The following KDELR3 variants were observed in gnomAD, a reference collection of about 807,000 sequenced individuals.
The protein encoded by KDELR3 is KDEL endoplasmic reticulum protein retention receptor 3, also known as ER lumen protein-retaining receptor 3.
A neutral mutation model predicts 22.7 loss-of-function variants in KDELR3; 26 were observed. That is an observed-to-expected ratio of 1.15 (90% confidence interval 0.84 to 1.59). The LOEUF is 1.59. Ranked by LOEUF, KDELR3 falls within the 40% of genes most tolerant of loss-of-function variation. KDELR3 has a pLI of 0.00. For missense variants in KDELR3, 289 were observed against 251.1 expected (o/e 1.15, Z -1.02); for synonymous variants, 120 against 98.2 (o/e 1.22, Z -1.31).
At chr22:38,474,403 G>A in intron 1 of KDELR3, 120 bp from the exon 2 acceptor site, 1 of 703,128 alleles carries the variant, frequency 1.4e-6, no homozygotes, top group South Asian at 1.7e-5. Flanking sequence ...CTGGACAGGA[G>A]GTCTTTGAGT....
At chr22:38,474,200 C>A in intron 1 of KDELR3, 1 of 251,368 alleles carries the variant, frequency 4.0e-6, no homozygotes, top group African/African-American at 2.3e-5. Flanking sequence ...CCCCACCAAG[C>A]CCGACTCACA....
intron 3 of KDELR3, 38 bp from the exon 4 acceptor site, chr22:38,481,174 G>A (rs187315002): frequency 9.3e-5 from 146 of 1,566,796 alleles, no homozygotes; most frequent in Non-Finnish European, 1.1e-4. Context: ...CCTCTTCTTG[G>A]TCTTGCTCAG....
At chr22:38,477,588 C>G (rs1014223059) in intron 2 of KDELR3, among the ~76,000 whole-genome samples, 3 of 152,180 alleles carry the variant, frequency 2.0e-5, no homozygotes, top group African/African-American at 7.2e-5. Flanking sequence ...AGATAACATA[C>G]AGCACCTAGA....
chr22:38,477,115 T>C (rs2089565430), intron 2 of KDELR3, among the ~76,000 whole-genome samples: 1 of 137,820 alleles, frequency 7.3e-6, no homozygotes, highest in South Asian at 2.3e-4. Context: ...AAGACGGGGT[T>C]TCACCATGTT....
rs2089584314 is a variant in KDELR3 at position 38,479,613 on chromosome 22, C to G, written c.213C>G (p.Ala71=). The change falls in exon 3 of 5, where the codon GCC becomes GCG. Residue 71 remains alanine (A), a synonymous_variant. Coordinates refer to ENST00000216014, the MANE Select transcript of KDELR3 (RefSeq NM_006855.4). ...TVMKVVFLLC[A]YVTVYMIYGK... ...TTTAGGTGGTTTTTCTCCTCTGTGCCTATGTTACAGTGTACATGATATATG... is the reference window on the plus strand; with the variant it reads ...TTTAGGTGGTTTTTCTCCTCTGTGCGTATGTTACAGTGTACATGATATATG... 6.2e-6 allele frequency: 10 copies of G among 1,613,876 alleles called. No individual in the cohort carries two copies. The highest frequency in any genetic ancestry group is 8.5e-6 in the Non-Finnish European group (10 of 1,179,764).
At chr22:38,470,675 C>T (rs2089519286) in intron 1 of KDELR3, among the ~76,000 whole-genome samples, 1 of 152,118 alleles carries the variant, frequency 6.6e-6, no homozygotes, top group African/African-American at 2.4e-5. Flanking sequence ...TGTGTTTTCC[C>T]ATTTGTCAAA....
intron 2 of KDELR3, among the ~76,000 whole-genome samples, chr22:38,478,531 T>C (rs1479429841): frequency 3.2e-5 from 1 of 31,622 alleles, no homozygotes. Context: ...CGAGACTCCA[T>C]CTCAAAAAAA....
chr22:38,481,343 C>A lies in KDELR3; in HGVS notation c.483C>A (p.Leu161=). 1 of 1,614,212 alleles carries A rather than the reference C, an allele frequency of 6.2e-7. No individual in the cohort carries two copies. The highest frequency in any genetic ancestry group is 1.1e-5 in the South Asian group (1 of 91,088). Residue 161 remains leucine (L), a synonymous_variant, in exon 4 of 5, where the codon CTC becomes CTA. Transcript: ENST00000216014. ...YLFFLGLYRA[L]YLANWIRRYQ... The stretch of plus-strand genomic sequence containing the variant: ...TCTTTCTGGGTCTGTACCGGGCACT[C>A]TACCTGGCTAACTGGATCAGGCGGT...
Position 38,481,332 on chromosome 22 carries a change from T to C in KDELR3, c.472T>C (p.Tyr158His), listed in dbSNP as rs1569133837. ...TTHYLFFLGLYRALYLANWIR... is the reference protein window; with the variant it reads ...TTHYLFFLGLHRALYLANWIR... ...TCACTACCTGTTCTTTCTGGGTCTG[T>C]ACCGGGCACTCTACCTGGCTAACTG... Residue 158 changes from tyrosine (Y) to histidine (H), a missense_variant, in exon 4 of 5, where the codon TAC becomes CAC. Transcript: ENST00000216014. The C allele has an allele frequency of 6.2e-7, 1 of 1,614,228 alleles. No homozygotes were observed.
intron 1 of KDELR3, among the ~76,000 whole-genome samples, chr22:38,473,566 A>C (rs1272919376): frequency 6.6e-6 from 1 of 152,222 alleles, no homozygotes. Context: ...GTTCACAAAG[A>C]TATGGAAGGA....
chr22:38,482,658 G>C lies in KDELR3; in HGVS notation c.*122G>C. ...TAAAACCAGAAAAGTGTTTAGTGTG[G>C]ATTTCAGCAAAACCTGATCATCCCA... On this transcript the variant is annotated 3_prime_UTR_variant, in exon 5 of 5. Transcript: ENST00000216014. 1 of 866,948 alleles carries C rather than the reference G, an allele frequency of 1.2e-6. No individual in the cohort carries two copies. The highest frequency in any genetic ancestry group is 1.9e-6 in the Non-Finnish European group (1 of 537,938). 53.7% of individuals were successfully genotyped at this position (866,948 alleles called of 1,614,324 possible). A position where few individuals can be genotyped will look rare whatever the true frequency, so the allele number is the denominator to read the frequency against.
chr22:38,480,683 G>GTGGA (rs1388555939), intron 3 of KDELR3, among the ~76,000 whole-genome samples: 2 of 152,040 alleles, frequency 1.3e-5, no homozygotes, highest in African/African-American at 4.8e-5. Flanking sequence ...AACCCAGGAG[G>GTGGA]TGGAGCTTGC....
chr22:38,477,029 C>T (rs1284576754), intron 2 of KDELR3, among the ~76,000 whole-genome samples: 1 of 151,332 alleles, frequency 6.6e-6, no homozygotes, highest in Non-Finnish European at 1.5e-5. Context: ...GCCTCAGCCT[C>T]CCGAGTAGCT....
chr22:38,481,976 T>C (rs2089606320), intron 4 of KDELR3, among the ~76,000 whole-genome samples: 1 of 152,216 alleles, frequency 6.6e-6, no homozygotes. Context: ...TACAAATTCG[T>C]GTTGGGCCAC....
intron 4 of KDELR3, 49 bp from the exon 5 acceptor site, chr22:38,482,447 G>C (rs770420816): frequency 2.8e-6 from 4 of 1,440,674 alleles, no homozygotes; most frequent in Non-Finnish European, 3.9e-6. Context: ...TTATAAAGCA[G>C]TCCTTTCATC....
In KDELR3 at chr22:38,481,338, G is replaced by A; in HGVS notation, c.478G>A (p.Ala160Thr). The change falls in exon 4 of 5, where the codon GCA becomes ACA. Residue 160 changes from alanine (A) to threonine (T), a missense_variant. Physicochemically the swap from Ala to Thr is moderately conservative, Grantham distance 58 (BLOSUM62 0). Transcript: ENST00000216014. ...CCTGTTCTTTCTGGGTCTGTACCGG[G>A]CACTCTACCTGGCTAACTGGATCAG... ...HYLFFLGLYR[A>T]LYLANWIRRY... The A allele has an allele frequency of 2.5e-6, 4 of 1,614,162 alleles. No homozygotes were observed. The highest frequency in any genetic ancestry group is 3.4e-6 in the Non-Finnish European group (4 of 1,180,028).
At chr22:38,476,725 T>C (rs1049929872) in intron 2 of KDELR3, among the ~76,000 whole-genome samples, 4 of 150,752 alleles carry the variant, frequency 2.7e-5, no homozygotes, top group African/African-American at 2.4e-5. Context: ...GGGGTTTCAC[T>C]ATGTTGGCCA....
intron 1 of KDELR3, among the ~76,000 whole-genome samples, chr22:38,468,698 G>A (rs774791589): frequency 4.5e-4 from 68 of 152,086 alleles, no homozygotes; most frequent in Admixed American, 1.7e-3. Flanking sequence ...AACGGCCCAC[G>A]ATTCTCAAGG....
At chr22:38,482,005 G>A (rs572793108) in intron 4 of KDELR3, among the ~76,000 whole-genome samples, 25 of 152,300 alleles carry the variant, frequency 1.6e-4, no homozygotes, top group African/African-American at 5.5e-4. Flanking sequence ...CCTGAGCCGC[G>A]GGTTGGACAA....
Sources: gnomAD v4.1 joint callset for allele counts (sites outside exome capture counted in the v4.1 genomes callset) on GRCh38, gnomAD v4.1.1 for gene constraint, MANE v1.5 for transcripts, NCBI Gene and HGNC (gene_info 2026-07-23, HGNC 2026-07-21) for gene names.